PATJ: variants seen among roughly 807,000 people sequenced by gnomAD.
PATJ encodes inaD-like protein.
PATJ carries 190 observed loss-of-function variants against 224.9 expected under a neutral mutation model. The observed-to-expected ratio is 0.84, with a 90% CI of 0.75 to 0.95. The LOEUF (loss-of-function observed/expected upper bound fraction) is 0.95. PATJ is among the 40% of genes least tolerant of loss of function. The probability of loss-of-function intolerance (pLI) is 0.00; values close to 1 mark genes in which losing one functional copy is unlikely to be tolerated. For missense variants in PATJ, 2,121 were observed against 2,270.3 expected, an observed-to-expected ratio of 0.93 and a Z score of 1.34; for synonymous variants, 769 against 820.3, an observed-to-expected ratio of 0.94 and a Z score of 1.07.
chr1:61,881,386 T>C lies in PATJ; in HGVS notation c.2960-2851T>C, dbSNP rs567923917. On this transcript the variant is annotated intron_variant, in intron 21 of 43. Transcript: ENST00000642238. ...TATGGGGGCAGCTTCCCAGGATCCA[T>C]GAACCACAGTTAAAACAGTTATTTT... Among the ~76,000 whole-genome samples, 4 of 148,858 alleles carry C rather than the reference T, an allele frequency of 2.7e-5. No homozygotes were observed. In the South Asian group the frequency reaches 8.5e-4, roughly 32 times the overall value.
rs189172640 is a variant in PATJ at position 61,938,878 on chromosome 1, A to C, written c.3670+11049A>C. 9.2e-5 allele frequency among the ~76,000 whole-genome samples: 14 copies of C among 152,156 alleles called. No homozygotes were observed. In the East Asian group the frequency reaches 2.3e-3, roughly 25 times the overall value. ...CGACTGTGTACTCATTTGGGGATAA[A>C]ATGTGGAGATCTTCTCAAGAAAATT... On this transcript the variant is annotated intron_variant, in intron 27 of 43. Transcript: ENST00000642238.
Position 62,117,128 on chromosome 1 carries a change from C to G in PATJ, c.4804-4C>G, listed in dbSNP as rs536144964. 1 of 1,612,426 alleles carries G rather than the reference C, an allele frequency of 6.2e-7. No homozygotes were observed. The highest frequency in any genetic ancestry group is 1.1e-5 in the South Asian group (1 of 90,894). ...CATTTCTGTTCTTTTCTTGCCTTTCCAAGTGTGCACAGGGACTTGTGCAGC... is the reference window on the plus strand; with the variant it reads ...CATTTCTGTTCTTTTCTTGCCTTTCGAAGTGTGCACAGGGACTTGTGCAGC... On this transcript the variant is annotated splice_polypyrimidine_tract_variant and splice_region_variant and intron_variant, in intron 36 of 43. Transcript: ENST00000642238.
chr1:61,804,848 A>G (rs1339373381), intron 12 of PATJ, among the ~76,000 whole-genome samples: 1 of 152,202 alleles, frequency 6.6e-6, no homozygotes, highest in Non-Finnish European at 1.5e-5. Context: ...CTTAATAACC[A>G]AGCAACAAAA....
chr1:61,821,184 A>G (rs1355961894), intron 14 of PATJ, among the ~76,000 whole-genome samples: 2 of 151,844 alleles, frequency 1.3e-5, no homozygotes, highest in African/African-American at 2.4e-5. Flanking sequence ...AGCTGGGACT[A>G]CAGGCGCCTG....
At chr1:62,048,545 C>CAAA (rs773157635) in intron 30 of PATJ, among the ~76,000 whole-genome samples, 13 of 66,182 alleles carry the variant, frequency 2.0e-4, no homozygotes, top group Non-Finnish European at 3.9e-4. Context: ...GACTCTGTCT[C>CAAA]AAAAAAAAAA....
chr1:62,075,750 CTACTAAAAA>C lies in PATJ; in HGVS notation c.4126-3696_4126-3688del, dbSNP rs1295176929. 4.6e-5 allele frequency among the ~76,000 whole-genome samples: 7 copies of C among 151,954 alleles called. 1 individual carries two copies. Among genetic ancestry groups the C allele is most frequent in the Admixed American group, 4.6e-4 (7 of 15,242 alleles). ...TCACTAACACGGTGAAACCCCGTCT[CTACTAAAAA>C]TACAAAAAATTAGCCAGGCGTGGTG... On this transcript the variant is annotated intron_variant, in intron 31 of 43. Transcript: ENST00000642238.
chr1:62,021,899 C>T (rs57027890), intron 29 of PATJ, among the ~76,000 whole-genome samples: 2,687 of 152,246 alleles, frequency 0.018, 72 homozygotes, highest in African/African-American at 0.061. Context: ...TGTGTTATAA[C>T]GTTACTTTGA....
intron 22 of PATJ, among the ~76,000 whole-genome samples, chr1:61,894,922 C>T (rs1183263612): frequency 6.6e-6 from 1 of 152,124 alleles, no homozygotes; most frequent in Admixed American, 6.6e-5. Flanking sequence ...CAATGAAGTC[C>T]AGGCTGAGTT....
chr1:61,909,718 T>C (rs765389039), intron 25 of PATJ, among the ~76,000 whole-genome samples: 1 of 152,182 alleles, frequency 6.6e-6, no homozygotes, highest in African/African-American at 2.4e-5. Context: ...TTTTAAAAAA[T>C]TATTTGCTTT....
chr1:62,113,259 A>T (rs1211229223), intron 34 of PATJ, among the ~76,000 whole-genome samples: 1 of 152,128 alleles, frequency 6.6e-6, no homozygotes, highest in East Asian at 1.9e-4. Flanking sequence ...GAAGACTTCA[A>T]GGGGTCTTGG....
chr1:61,827,298 C>A (rs1658445441), intron 15 of PATJ, 124 bp from the exon 16 acceptor site: 4 of 726,756 alleles, frequency 5.5e-6, no homozygotes, highest in Non-Finnish European at 8.7e-6. Flanking sequence ...AAAGCGAGGC[C>A]CCTTGTTTAC....
intron 27 of PATJ, among the ~76,000 whole-genome samples, chr1:61,943,711 G>A (rs956592274): frequency 2.6e-5 from 4 of 152,212 alleles, no homozygotes; most frequent in African/African-American, 9.6e-5. Context: ...TTAAACGTCC[G>A]TGTCTGACAG....
intron 27 of PATJ, among the ~76,000 whole-genome samples, chr1:61,932,565 A>G (rs1676188952): frequency 6.6e-6 from 1 of 152,202 alleles, no homozygotes; most frequent in Non-Finnish European, 1.5e-5. Flanking sequence ...GAATTTAACA[A>G]GAAATTGATG....
chr1:61,892,722 G>T (rs1046767468), intron 22 of PATJ, among the ~76,000 whole-genome samples: 3 of 152,114 alleles, frequency 2.0e-5, no homozygotes, highest in Non-Finnish European at 4.4e-5. Flanking sequence ...GTACAGCGAG[G>T]ATACCCCCTA....
intron 15 of PATJ, among the ~76,000 whole-genome samples, chr1:61,824,137 G>A (rs1657784208): frequency 6.6e-6 from 1 of 152,082 alleles, no homozygotes; most frequent in Non-Finnish European, 1.5e-5. Flanking sequence ...TTTGTAGATT[G>A]GAAACTATTG....
intron 17 of PATJ, among the ~76,000 whole-genome samples, chr1:61,845,429 A>G (rs1394011192): frequency 1.3e-5 from 2 of 152,192 alleles, no homozygotes; most frequent in African/African-American, 4.8e-5. Flanking sequence ...CATTCTAGAG[A>G]AACATACTTA....
At chr1:62,117,034 C>T in intron 36 of PATJ, 98 bp from the exon 37 acceptor site, 2 of 1,012,714 alleles carry the variant, frequency 2.0e-6, no homozygotes, top group South Asian at 2.9e-5. Flanking sequence ...TTTCATTACC[C>T]TTTTATAATT....
At chr1:61,907,504 G>A (rs1046750235) in intron 24 of PATJ, among the ~76,000 whole-genome samples, 1 of 152,162 alleles carries the variant, frequency 6.6e-6, no homozygotes, top group African/African-American at 2.4e-5. Flanking sequence ...TGACCTTACA[G>A]TTGTCATGTC....
In PATJ at chr1:61,787,155, C is replaced by T. The variant is rs566550458; in HGVS notation, c.850-599C>T. 1.0e-3 allele frequency among the ~76,000 whole-genome samples: 152 copies of T among 152,280 alleles called. 2 individuals are homozygous for T. Among genetic ancestry groups the T allele is most frequent in the African/African-American group, 3.6e-3 (149 of 41,550 alleles). On this transcript the variant is annotated intron_variant, in intron 7 of 43. Coordinates refer to ENST00000642238, the MANE Select transcript of PATJ (RefSeq NM_001350145.3). ...CCTCTTCTGTAGTTTATTTTAAGCACAGAAGCTTGAATTATGTTGTTAAAG... is the reference window on the plus strand; with the variant it reads ...CCTCTTCTGTAGTTTATTTTAAGCATAGAAGCTTGAATTATGTTGTTAAAG...
Sources: gnomAD v4.1 joint callset for allele counts (sites outside exome capture counted in the v4.1 genomes callset) on GRCh38, gnomAD v4.1.1 for gene constraint, MANE v1.5 for transcripts, NCBI Gene and HGNC (gene_info 2026-07-23, HGNC 2026-07-21) for gene names.